ZNF804A: variants seen among roughly 807,000 people sequenced by gnomAD.
The protein encoded by ZNF804A is zinc finger protein 804A.
ZNF804A carries 2 observed loss-of-function variants against 16.5 expected under a neutral mutation model. That is an observed-to-expected ratio of 0.12 (90% CI 0.05 to 0.38). The LOEUF (loss-of-function observed/expected upper bound fraction) is 0.38, where lower values mean the gene tolerates loss of function less well. Ranked by LOEUF, ZNF804A falls within the 10% of genes least tolerant of loss-of-function variation. The pLI, the probability that ZNF804A is intolerant of heterozygous loss-of-function variation, is 0.99. For missense variants in ZNF804A, 1,473 were observed against 1,390.7 expected (o/e 1.06, Z -0.94); for synonymous variants, 534 against 489.6 (o/e 1.09, Z -1.20).
intron 1 of ZNF804A, among the ~76,000 whole-genome samples, chr2:184,825,313 A>T (rs1695145342): frequency 6.6e-6 from 1 of 152,204 alleles, no homozygotes; most frequent in South Asian, 2.1e-4. Context: ...TTAAAATGTT[A>T]GTAGTACAGA....
At position 184,938,395 on chromosome 2, in the gene ZNF804A, A is replaced by G; in HGVS notation, c.2999A>G (p.Asn1000Ser). Residue 1000 changes from asparagine (N) to serine (S), a missense_variant, in exon 4 of 4, where the codon AAC becomes AGC. Transcript: ENST00000302277. Reference sequence around the variant, plus strand: ...CTGCGTTATAATTCAGGAATCCTTAACACACAACCACCATTACCATTCAAA... The same window carrying G: ...CTGCGTTATAATTCAGGAATCCTTAGCACACAACCACCATTACCATTCAAA... ...EWLRYNSGIL[N>S]TQPPLPFKEA... The G allele has an allele frequency of 6.2e-7, 1 of 1,614,124 alleles. No homozygotes were observed. The highest frequency in any genetic ancestry group is 8.5e-7 in the Non-Finnish European group (1 of 1,180,018).
In ZNF804A at chr2:184,710,088, A is replaced by G. The variant is rs181746174; in HGVS notation, c.111+111018A>G. 6.6e-5 allele frequency among the ~76,000 whole-genome samples: 10 copies of G among 151,430 alleles called. No homozygotes were observed. The East Asian group carries it at 1.7e-3, about 26-fold the overall frequency. ...ATTTGTTATTCTTTTTCTTAATACA[A>G]TGGAAGAATCTCCAAGTTATTACCT... On this transcript the variant is annotated intron_variant, in intron 1 of 3. Transcript: ENST00000302277.
At chr2:184,764,897 C>G (rs1038782439) in intron 1 of ZNF804A, among the ~76,000 whole-genome samples, 4 of 152,010 alleles carry the variant, frequency 2.6e-5, no homozygotes, top group Non-Finnish European at 2.9e-5. Context: ...AAAAATCTAA[C>G]TGCTCCAACT....
chr2:184,780,888 T>C (rs1574209192), intron 1 of ZNF804A, among the ~76,000 whole-genome samples: 2 of 151,774 alleles, frequency 1.3e-5, no homozygotes, highest in Non-Finnish European at 2.9e-5. Flanking sequence ...AGTTATTTAC[T>C]CCACTTGCAT....
intron 1 of ZNF804A, among the ~76,000 whole-genome samples, chr2:184,806,687 T>C (rs377335748): frequency 8.2e-4 from 125 of 151,978 alleles, no homozygotes; most frequent in Non-Finnish European, 1.5e-3. Context: ...TATATTAATA[T>C]GTGACATACA....
intron 1 of ZNF804A, among the ~76,000 whole-genome samples, chr2:184,628,772 A>G (rs1691552055): frequency 1.3e-5 from 2 of 152,068 alleles, no homozygotes; most frequent in Admixed American, 6.6e-5. Flanking sequence ...ATACACCTAG[A>G]AATAGAATTG....
intron 2 of ZNF804A, among the ~76,000 whole-genome samples, chr2:184,889,446 T>C (rs1235298229): frequency 6.6e-6 from 1 of 151,990 alleles, no homozygotes; most frequent in Non-Finnish European, 1.5e-5. Flanking sequence ...TAAATATATT[T>C]AAGTGCCATG....
chr2:184,939,258 CT>C lies in ZNF804A; in HGVS notation c.*233del. 4.5e-6 allele frequency: 2 copies of C among 447,644 alleles called. No individual in the cohort carries two copies. Among genetic ancestry groups the C allele is most frequent in the Non-Finnish European group, 7.9e-6 (2 of 253,054 alleles). The allele number at this position is 447,644 out of a possible 1,614,324, so 27.7% of individuals were successfully genotyped here. On this transcript the variant is annotated 3_prime_UTR_variant, in exon 4 of 4. Transcript: ENST00000302277. ...AGTTTGAAAATCAATACAATATATG[CT>C]ATATATTAAAATGATGTCTTAAGAG...
chr2:184,707,574 G>T (rs1032691113), intron 1 of ZNF804A, among the ~76,000 whole-genome samples: 3 of 152,024 alleles, frequency 2.0e-5, no homozygotes, highest in Non-Finnish European at 4.4e-5. Flanking sequence ...ATTTGCTTAG[G>T]TTAATGGCCT....
intron 1 of ZNF804A, among the ~76,000 whole-genome samples, chr2:184,632,912 T>G (rs1190516651): frequency 6.6e-6 from 1 of 152,192 alleles, no homozygotes; most frequent in Non-Finnish European, 1.5e-5. Context: ...AGCAAACATA[T>G]TGGTCTGGGG....
intron 1 of ZNF804A, among the ~76,000 whole-genome samples, chr2:184,699,948 A>G (rs1692893787): frequency 6.6e-6 from 1 of 152,090 alleles, no homozygotes; most frequent in Non-Finnish European, 1.5e-5. Context: ...TAGAGCCCAC[A>G]TTCTGTTAAA....
At chr2:184,644,165 A>T (rs1244387026) in intron 1 of ZNF804A, among the ~76,000 whole-genome samples, 1 of 151,782 alleles carries the variant, frequency 6.6e-6, no homozygotes, top group South Asian at 2.1e-4. Flanking sequence ...CAAAAATTTA[A>T]CTGTCAGGGT....
intron 1 of ZNF804A, among the ~76,000 whole-genome samples, chr2:184,656,136 T>G (rs1173945986): frequency 1.3e-5 from 2 of 152,176 alleles, no homozygotes; most frequent in East Asian, 3.9e-4. Context: ...CGGTAGAATT[T>G]TTAACCCACA....
intron 1 of ZNF804A, among the ~76,000 whole-genome samples, chr2:184,787,681 T>A (rs1434752017): frequency 6.6e-6 from 1 of 152,020 alleles, no homozygotes; most frequent in East Asian, 1.9e-4. Context: ...TCATGTCCTT[T>A]GTCCAGCTTT....
intron 1 of ZNF804A, among the ~76,000 whole-genome samples, chr2:184,698,256 A>G (rs373748880): frequency 5.3e-5 from 8 of 152,226 alleles, no homozygotes; most frequent in African/African-American, 1.9e-4. Context: ...GGGTTCAACC[A>G]TTATAAAAGG....
intron 3 of ZNF804A, among the ~76,000 whole-genome samples, chr2:184,935,228 A>G (rs1453163926): frequency 6.6e-6 from 1 of 152,186 alleles, no homozygotes; most frequent in Non-Finnish European, 1.5e-5. Flanking sequence ...ATTTCAAAAG[A>G]GTCAAAGCTC....
chr2:184,745,594 G>T (rs777758702), intron 1 of ZNF804A, among the ~76,000 whole-genome samples: 6 of 151,498 alleles, frequency 4.0e-5, no homozygotes, highest in African/African-American at 9.7e-5. Context: ...AGAAAAGAAT[G>T]TTCTTCAATC....
At chr2:184,826,471 A>T (rs1695170403) in intron 1 of ZNF804A, among the ~76,000 whole-genome samples, 1 of 152,180 alleles carries the variant, frequency 6.6e-6, no homozygotes, top group Non-Finnish European at 1.5e-5. Flanking sequence ...TTAGTGAACC[A>T]TAATTATTTT....
chr2:184,604,324 T>C (rs934687043), intron 1 of ZNF804A, among the ~76,000 whole-genome samples: 2 of 151,558 alleles, frequency 1.3e-5, no homozygotes, highest in African/African-American at 4.8e-5. Context: ...GTGCCCGCCA[T>C]CGCGCCCGGC....
Sources: gnomAD v4.1 joint callset for allele counts (sites outside exome capture counted in the v4.1 genomes callset) on GRCh38, gnomAD v4.1.1 for gene constraint, MANE v1.5 for transcripts, NCBI Gene and HGNC (gene_info 2026-07-23, HGNC 2026-07-21) for gene names.